ANKRD11: variants seen among roughly 807,000 people sequenced by gnomAD.
ANKRD11 encodes the protein ankyrin repeat domain 11, also known as ankyrin repeat domain-containing protein 11.
ANKRD11 carries 17 observed loss-of-function variants against 195.7 expected under a neutral mutation model. The observed-to-expected ratio is 0.09, with a 90% CI of 0.06 to 0.13. The LOEUF is 0.13. Ranked by LOEUF, ANKRD11 falls within the 10% of genes least tolerant of loss-of-function variation. The pLI, the probability that ANKRD11 is intolerant of heterozygous loss-of-function variation, is 1.00. For synonymous variants in ANKRD11, 1,953 were observed against 1,528.1 expected, an observed-to-expected ratio of 1.28 and a Z score of -6.49; for missense variants, 3,735 against 3,566.1, an observed-to-expected ratio of 1.05 and a Z score of -1.21.
rs1397915655 is a variant in ANKRD11, at chr16:89,280,813, T to C, written c.5729A>G (p.Asp1910Gly). 6.2e-7 allele frequency: 1 copy of C among 1,603,988 alleles called. No individual in the cohort carries two copies. The highest frequency in any genetic ancestry group is 8.5e-7 in the Non-Finnish European group (1 of 1,172,572). ...CTGCTGGTCCTCGGAGGTGTCCAGG[T>C]CCGGGGGAAGGGCCCCTTCGAGGGA... ...VPSLEGALPP[D>G]LDTSEDQQAT... The change falls in exon 9 of 13, where the codon GAC becomes GGC. Residue 1910 changes from aspartate to glycine, a missense_variant. Transcript: ENST00000301030.
intron 1 of ANKRD11, among the ~76,000 whole-genome samples, chr16:89,430,201 G>A (rs1232904746): frequency 6.2e-5 from 6 of 97,464 alleles, no homozygotes; most frequent in South Asian, 4.2e-4. Context: ...CTCAGGCTCA[G>A]ACGTTCTAGT....
chr16:89,345,645 A>C (rs938729496), intron 2 of ANKRD11, among the ~76,000 whole-genome samples: 7 of 152,278 alleles, frequency 4.6e-5, no homozygotes, highest in African/African-American at 1.7e-4. Flanking sequence ...ACTAAGAAAT[A>C]CAAGACCAAG....
chr16:89,485,172 C>T (rs1307299535), intron 1 of ANKRD11, among the ~76,000 whole-genome samples: 1 of 152,140 alleles, frequency 6.6e-6, no homozygotes, highest in African/African-American at 2.4e-5. Context: ...CCTTTATTCA[C>T]AGAGCCAGCT....
chr16:89,308,967 T>C (rs2036458878), intron 3 of ANKRD11, among the ~76,000 whole-genome samples: 1 of 152,204 alleles, frequency 6.6e-6, no homozygotes, highest in Non-Finnish European at 1.5e-5. Context: ...TGGGAACATC[T>C]GTACCCCAAA....
intron 2 of ANKRD11, among the ~76,000 whole-genome samples, chr16:89,414,076 C>T (rs1366445972): frequency 6.6e-6 from 1 of 152,200 alleles, no homozygotes; most frequent in Non-Finnish European, 1.5e-5. Flanking sequence ...ATGCCACAGG[C>T]ACAGCTGCTC....
In ANKRD11 at chr16:89,283,934, T is replaced by C. The variant is rs1315398846; in HGVS notation, c.2608A>G (p.Ser870Gly). 1 of 1,614,102 alleles carries C rather than the reference T, an allele frequency of 6.2e-7. No individual in the cohort carries two copies. Among genetic ancestry groups the C allele is most frequent in the South Asian group, 1.1e-5 (1 of 91,084 alleles). The change falls in exon 9 of 13, where the codon AGC becomes GGC. Residue 870 changes from serine to glycine, a missense_variant. By Grantham distance (56) the Ser-to-Gly change is moderately conservative. Coordinates refer to ENST00000301030, the MANE Select transcript of ANKRD11 (RefSeq NM_013275.6). This position sits in a 1 kb window ranked among gnomAD's most constrained non-coding sequence, Gnocchi z 4.3. ...SPVTDYRDMKSDSVAKLILET... is the reference protein window; with the variant it reads ...SPVTDYRDMKGDSVAKLILET... The stretch of plus-strand genomic sequence containing the variant: ...AAGATGAGCTTGGCCACAGAGTCGC[T>C]CTTCATGTCCCTGTAGTCTGTCACT...
At chr16:89,427,780 CAG>C (rs1352714440) in intron 1 of ANKRD11, among the ~76,000 whole-genome samples, 2 of 150,174 alleles carry the variant, frequency 1.3e-5, no homozygotes. Flanking sequence ...GCCTGGGAGA[CAG>C]AGTATGCCTC....
At chr16:89,270,451 G>A (rs569840498) in intron 12 of ANKRD11, 6 of 369,652 alleles carry the variant, frequency 1.6e-5, no homozygotes, top group African/African-American at 4.2e-5. Context: ...CACCTCCCCC[G>A]CCCCTGCCCA....
At chr16:89,414,023 C>T (rs955611584) in intron 2 of ANKRD11, among the ~76,000 whole-genome samples, 13 of 149,486 alleles carry the variant, frequency 8.7e-5, no homozygotes, top group Middle Eastern at 3.4e-3. Context: ...GCCACCACCA[C>T]GGGCCTGCAC....
rs1202726709 is a variant in ANKRD11, at chr16:89,429,942, G to A, written c.-144-11574C>T. Among the ~76,000 whole-genome samples, 8 of 75,558 alleles carry A rather than the reference G, an allele frequency of 1.1e-4. No homozygotes were observed. In the East Asian group the frequency reaches 1.3e-3, roughly 12 times the overall value. 49.6% of individuals were successfully genotyped at this position (75,558 alleles called of 152,430 possible). On this transcript the variant is annotated intron_variant, in intron 1 of 12. Coordinates refer to ENST00000301030, the MANE Select transcript of ANKRD11 (RefSeq NM_013275.6). Reference sequence around the variant, plus strand: ...TACACAGCAGGGACTCTCAACTCTCGCGCTCAGACGTTCTAGTACACAGCA... The same window carrying A: ...TACACAGCAGGGACTCTCAACTCTCACGCTCAGACGTTCTAGTACACAGCA...
At chr16:89,392,866 T>C (rs1452991823) in intron 2 of ANKRD11, among the ~76,000 whole-genome samples, 1 of 151,642 alleles carries the variant, frequency 6.6e-6, no homozygotes, top group Non-Finnish European at 1.5e-5. Flanking sequence ...ATCAACTACA[T>C]AAGAAAGCAC....
chr16:89,368,371 G>GTTTTTTTTT (rs71134210), intron 2 of ANKRD11, among the ~76,000 whole-genome samples: 1 of 56,596 alleles, frequency 1.8e-5, no homozygotes, highest in Non-Finnish European at 3.7e-5. Context: ...TAATTTTTGT[G>GTTTTTTTTT]TTTTTTTTTT....
In ANKRD11 at chr16:89,267,817, G is replaced by GTGTT. The variant is rs2032758443; in HGVS notation, c.*657_*660dup. ...TTTTTATATGATTATTGGCTCTGTA[G>GTGTT]TGTTTCAAGTTACGTTCTCAGAAAG... On this transcript the variant is annotated 3_prime_UTR_variant, in exon 13 of 13. Coordinates refer to ENST00000301030, the MANE Select transcript of ANKRD11 (RefSeq NM_013275.6). 1 of 152,316 alleles carries GTGTT rather than the reference G, an allele frequency of 6.6e-6. No individual in the cohort carries two copies. Among genetic ancestry groups the GTGTT allele is most frequent in the Admixed American group, 6.6e-5 (1 of 15,262 alleles). 9.4% of individuals were successfully genotyped at this position (152,316 alleles called of 1,614,324 possible). A position where few individuals can be genotyped will look rare whatever the true frequency, so the allele number is the denominator to read the frequency against.
At chr16:89,360,699 C>G (rs918274079) in intron 2 of ANKRD11, 1 of 152,174 alleles carries the variant, frequency 6.6e-6, no homozygotes, top group Non-Finnish European at 1.5e-5. Flanking sequence ...ATCTGTCATA[C>G]GTGGACTCCC....
At chr16:89,354,906 G>A (rs900808388) in intron 2 of ANKRD11, among the ~76,000 whole-genome samples, 1 of 152,058 alleles carries the variant, frequency 6.6e-6, no homozygotes, top group Non-Finnish European at 1.5e-5. Flanking sequence ...GGCTGTGAGT[G>A]GCCTGGAAGC....
intron 2 of ANKRD11, among the ~76,000 whole-genome samples, chr16:89,401,373 G>A (rs1031131852): frequency 6.6e-6 from 1 of 152,120 alleles, no homozygotes; most frequent in Non-Finnish European, 1.5e-5. Context: ...ACTGCGTCTG[G>A]CATTAAATTT....
At chr16:89,416,009 T>C (rs1479163373) in intron 2 of ANKRD11, among the ~76,000 whole-genome samples, 1 of 151,890 alleles carries the variant, frequency 6.6e-6, no homozygotes, top group Non-Finnish European at 1.5e-5. Context: ...GACCTCATGC[T>C]AAGGGCCTTC....
chr16:89,275,896 C>T (rs551177419), intron 9 of ANKRD11, among the ~76,000 whole-genome samples: 3 of 152,152 alleles, frequency 2.0e-5, no homozygotes, highest in East Asian at 1.9e-4. Flanking sequence ...CACACAGGAG[C>T]GGGGAGCCAG....
intron 7 of ANKRD11, chr16:89,287,154 G>A (rs1208731998): frequency 1.6e-6 from 2 of 1,272,976 alleles, no homozygotes; most frequent in Admixed American, 2.3e-5. Context: ...TGGGACGGAG[G>A]TCCCCAGTCC....
Sources: allele counts gnomAD v4.1 joint callset (sites outside exome capture counted in the v4.1 genomes callset), GRCh38; gene constraint gnomAD v4.1.1; non-coding constraint Gnocchi (gnomAD v3.1); transcripts MANE v1.5; gene names NCBI Gene and HGNC (gene_info 2026-07-23, HGNC 2026-07-21).